AMZ1: variants seen among roughly 807,000 people sequenced by gnomAD.
AMZ1 encodes archaemetzincin-1.
A neutral mutation model predicts 29.9 loss-of-function variants in AMZ1; 39 were observed. That is an observed-to-expected ratio of 1.30 (90% confidence interval 1.01 to 1.70). AMZ1 has a LOEUF of 1.70. Among genes scored for constraint, AMZ1 ranks in the 40% most tolerant of loss-of-function variants. The pLI, the probability that AMZ1 is intolerant of heterozygous loss-of-function variation, is 0.00. For synonymous variants in AMZ1, 458 were observed against 304.0 expected, an observed-to-expected ratio of 1.51 and a Z score of -5.27; for missense variants, 1,041 against 680.6, an observed-to-expected ratio of 1.53 and a Z score of -5.89.
downstream of AMZ1, among the ~76,000 whole-genome samples, chr7:2,722,565 C>T (rs1310806981): frequency 2.0e-5 from 3 of 152,204 alleles, no homozygotes; most frequent in Non-Finnish European, 4.4e-5. Flanking sequence ...GCCACCGTGC[C>T]CAGCCAGGAC....
chr7:2,740,677 G>GT (rs1160359450), intron 4 of AMZ1, among the ~76,000 whole-genome samples: 1 of 152,188 alleles, frequency 6.6e-6, no homozygotes, highest in East Asian at 1.9e-4. Context: ...GGGTTTATGA[G>GT]TATCTGTTGG....
rs1011208996 is a variant in AMZ1 at position 2,716,980 on chromosome 7, G to A, written c.*4102G>A. Among the ~76,000 whole-genome samples the A allele has an allele frequency of 6.6e-6, 1 of 152,202 alleles. No individual in the cohort carries two copies. The highest frequency in any genetic ancestry group is 1.5e-5 in the Non-Finnish European group (1 of 68,026). On this transcript the variant is annotated 3_prime_UTR_variant, in exon 7 of 7. Coordinates refer to ENST00000683327, the MANE Select transcript of AMZ1 (RefSeq NM_001384743.1). ...CCCGCTGTTGTGCAGCTTTCTAAAA[G>A]CAAGCTGGAGCGGTCTGAGCAGGAA...
At chr7:2,747,502 G>C (rs984796275) in intron 4 of AMZ1, among the ~76,000 whole-genome samples, 3 of 152,084 alleles carry the variant, frequency 2.0e-5, no homozygotes, top group Non-Finnish European at 1.5e-5. Flanking sequence ...AACAAATTAG[G>C]TATTGATGGG....
chr7:2,745,241 A>AG (rs1790710359), intron 4 of AMZ1, among the ~76,000 whole-genome samples: 1 of 152,276 alleles, frequency 6.6e-6, no homozygotes, highest in South Asian at 2.1e-4. Context: ...GTTGAAATGA[A>AG]GGAAAAAATG....
intron 4 of AMZ1, among the ~76,000 whole-genome samples, chr7:2,738,218 A>G (rs924928288): frequency 4.6e-5 from 7 of 152,046 alleles, no homozygotes; most frequent in African/African-American, 1.7e-4. Flanking sequence ...AGTTCGAGAC[A>G]AGCCTGGCCA....
chr7:2,709,871 C>T (rs1047073594), intron 6 of AMZ1, 55 bp downstream of exon 6: 82 of 1,589,488 alleles, frequency 5.2e-5, no homozygotes, highest in East Asian at 3.0e-4. Flanking sequence ...CGGAGGCCCG[C>T]GAGCGCCGCC....
At chr7:2,706,659 C>CCTCTGCGT (rs1341543060) in intron 3 of AMZ1, among the ~76,000 whole-genome samples, 1 of 152,220 alleles carries the variant, frequency 6.6e-6, no homozygotes, top group Non-Finnish European at 1.5e-5. Context: ...ACGCCATGTG[C>CCTCTGCGT]CTCTGCGTCT....
At chr7:2,685,077 G>A (rs973414983), upstream of AMZ1, among the ~76,000 whole-genome samples, 2 of 151,434 alleles carry the variant, frequency 1.3e-5, no homozygotes, top group Non-Finnish European at 2.9e-5. Context: ...CACTGTGTTA[G>A]CCAGGATGGT....
At chr7:2,699,120 C>A (rs1018643687) in intron 1 of AMZ1, among the ~76,000 whole-genome samples, 1 of 152,124 alleles carries the variant, frequency 6.6e-6, no homozygotes, top group Non-Finnish European at 1.5e-5. Flanking sequence ...CCACAACCAC[C>A]CCTTTGCTTT....
chr7:2,727,481 T>A (rs1484565291), intron 4 of AMZ1, among the ~76,000 whole-genome samples: 1 of 152,050 alleles, frequency 6.6e-6, no homozygotes, highest in Admixed American at 6.6e-5. Context: ...GCTCAAACGA[T>A]CCTTCTGCCT....
chr7:2,709,168 A>C lies in AMZ1; in HGVS notation c.695A>C (p.Asp232Ala), dbSNP rs1289616354. Residue 232 changes from aspartate to alanine, a missense_variant, in exon 5 of 7, where the codon GAC (aspartate) becomes GCC (alanine). Physicochemically the swap from Asp to Ala is moderately radical, Grantham distance 126 (BLOSUM62 -2). Transcript: ENST00000683327. ...CTGGCCCTGGTAGAGGCAGCAGCAG[A>C]CGGCCCCGAGGCCCCCCTGCAGGAC... The part of the protein sequence containing the change: ...PDLALVEAAA[D>A]GPEAPLQDRG... The C allele has an allele frequency of 6.4e-7, 1 of 1,559,406 alleles. No individual in the cohort carries two copies. Among genetic ancestry groups the C allele is most frequent in the African/African-American group, 1.4e-5 (1 of 72,888 alleles).
intron 3 of AMZ1, 113 bp from the exon 4 acceptor site, chr7:2,708,475 G>C: frequency 6.7e-7 from 1 of 1,499,350 alleles, no homozygotes; most frequent in South Asian, 1.3e-5. Flanking sequence ...CACCTGACTT[G>C]GGAAGGGGCA....
At chr7:2,753,975 G>T (rs1374515725) in intron 4 of AMZ1, among the ~76,000 whole-genome samples, 1 of 152,102 alleles carries the variant, frequency 6.6e-6, no homozygotes, top group Non-Finnish European at 1.5e-5. Context: ...TAGGTGCTTT[G>T]TTCACTTGGA....
chr7:2,692,356 C>CA (rs1392190230), intron 1 of AMZ1, among the ~76,000 whole-genome samples: 28 of 152,044 alleles, frequency 1.8e-4, no homozygotes, highest in African/African-American at 5.5e-4. Context: ...CTGGCTAACA[C>CA]GTGAAACCCC....
intron 1 of AMZ1, among the ~76,000 whole-genome samples, chr7:2,690,304 G>A (rs546089569): frequency 2.6e-5 from 4 of 152,224 alleles, no homozygotes; most frequent in South Asian, 4.1e-4. Flanking sequence ...CCACAGCCTC[G>A]ACCTCCAGGG....
chr7:2,712,029 A>G (rs1788813770), intron 6 of AMZ1, among the ~76,000 whole-genome samples: 1 of 148,794 alleles, frequency 6.7e-6, no homozygotes, highest in African/African-American at 2.5e-5. Context: ...CCTGGCCAAC[A>G]GAGTGAGCCT....
At position 2,702,854 on chromosome 7, in the gene AMZ1, C is replaced by T. The variant is rs1788138149; in HGVS notation, c.437C>T (p.Pro146Leu). 6.3e-7 allele frequency: 1 copy of T among 1,586,310 alleles called. No homozygotes were observed. Among genetic ancestry groups the T allele is most frequent in the South Asian group, 1.1e-5 (1 of 87,678 alleles). Residue 146 changes from proline (P) to leucine (L), a missense_variant, in exon 3 of 7, where the codon CCC (proline) becomes CTC (leucine). Transcript: ENST00000683327. ...AAASIRCSSR[P>L]SRDSDRLQLH... ...GCGTCCATCCGCTGCTCCTCGCGGCCCAGCCGGGACTCTGACAGGCTCCAG... is the reference window on the plus strand; with the variant it reads ...GCGTCCATCCGCTGCTCCTCGCGGCTCAGCCGGGACTCTGACAGGCTCCAG...
chr7:2,709,821 G>A lies in AMZ1; in HGVS notation c.948+5G>A. ...AGGCTCATCGAGAGGTACCAGGTGA[G>A]TGGCTGAGTTGCGCTGCCCGGCTGC... is the stretch of plus-strand genomic sequence containing the variant. On this transcript the variant is annotated splice_donor_5th_base_variant and intron_variant, in intron 6 of 6. Transcript: ENST00000683327. 1 of 1,611,544 alleles carries A rather than the reference G, an allele frequency of 6.2e-7. No homozygotes were observed. The highest frequency in any genetic ancestry group is 8.5e-7 in the Non-Finnish European group (1 of 1,179,624).
At chr7:2,743,631 T>G (rs1157098357) in intron 4 of AMZ1, among the ~76,000 whole-genome samples, 2 of 152,116 alleles carry the variant, frequency 1.3e-5, no homozygotes, top group African/African-American at 4.8e-5. Flanking sequence ...ACGGGTGATT[T>G]CTGCATTTCC....
Sources: allele counts gnomAD v4.1 joint callset (sites outside exome capture counted in the v4.1 genomes callset), GRCh38; gene constraint gnomAD v4.1.1; transcripts MANE v1.5; gene names NCBI Gene and HGNC (gene_info 2026-07-23, HGNC 2026-07-21).